GABRB3: variants seen among roughly 807,000 people sequenced by gnomAD.
GABRB3 encodes gamma-aminobutyric acid type A receptor subunit beta3, also known as gamma-aminobutyric acid receptor subunit beta-3.
GABRB3 carries 14 observed loss-of-function variants against 52.1 expected under a neutral mutation model. That is an observed-to-expected ratio of 0.27 (90% confidence interval 0.18 to 0.42). GABRB3 has a LOEUF of 0.42. Among genes scored for constraint, GABRB3 ranks in the 10% least tolerant of loss-of-function variants. The probability of loss-of-function intolerance (pLI) is 1.00; values close to 1 mark genes in which losing one functional copy is unlikely to be tolerated. For missense variants in GABRB3, 307 were observed against 609.1 expected (o/e 0.50, Z 5.22); for synonymous variants, 260 against 232.3 (o/e 1.12, Z -1.08).
intron 3 of GABRB3, among the ~76,000 whole-genome samples, chr15:26,745,094 G>A (rs1199153436): frequency 2.6e-5 from 4 of 152,082 alleles, no homozygotes; most frequent in African/African-American, 4.8e-5. Context: ...GGTGCCACAC[G>A]CTTCATGTAA....
At chr15:26,548,249 A>G in intron 8 of GABRB3, 115 bp from the exon 9 acceptor site, 1 of 850,236 alleles carries the variant, frequency 1.2e-6, no homozygotes, top group Non-Finnish European at 2.0e-6. Flanking sequence ...GAGAAACTGT[A>G]CATCTGTCAA....
chr15:26,569,929 A>AT (rs1009179399), intron 6 of GABRB3, among the ~76,000 whole-genome samples: 1 of 152,068 alleles, frequency 6.6e-6, no homozygotes, highest in African/African-American at 2.4e-5. Context: ...CTGATTACTC[A>AT]TTTATTTTTC....
intron 3 of GABRB3, among the ~76,000 whole-genome samples, chr15:26,770,392 A>T (rs1176487615): frequency 6.6e-6 from 1 of 152,218 alleles, no homozygotes; most frequent in Non-Finnish European, 1.5e-5. Flanking sequence ...ACACTTAAAG[A>T]TTGTTCAATA....
At chr15:26,629,323 A>T (rs1436090305) in intron 3 of GABRB3, 12 of 642,482 alleles carry the variant, frequency 1.9e-5, no homozygotes, top group Non-Finnish European at 2.7e-5. Context: ...GGCCCAGCTC[A>T]GGAGCCTGGC....
At chr15:26,655,772 A>G (rs1477556641) in intron 3 of GABRB3, among the ~76,000 whole-genome samples, 2 of 151,078 alleles carry the variant, frequency 1.3e-5, no homozygotes, top group Non-Finnish European at 2.9e-5. Flanking sequence ...CGGTTTCTGC[A>G]TACCTGTGTA....
chr15:26,632,965 A>AC (rs1255700856), intron 3 of GABRB3, among the ~76,000 whole-genome samples: 1 of 151,996 alleles, frequency 6.6e-6, no homozygotes, highest in African/African-American at 2.4e-5. Flanking sequence ...ATGAAAAAGG[A>AC]CCCTCTTTAT....
At chr15:26,673,324 T>C (rs1887957341) in intron 3 of GABRB3, among the ~76,000 whole-genome samples, 1 of 152,192 alleles carries the variant, frequency 6.6e-6, no homozygotes, top group African/African-American at 2.4e-5. Flanking sequence ...ACACATTGTT[T>C]TAAACCATAG....
In GABRB3 at chr15:26,731,374, C is replaced by A. The variant is rs1388994977; in HGVS notation, c.240+41028G>T. Among the ~76,000 whole-genome samples, 3 of 152,196 alleles carry A rather than the reference C, an allele frequency of 2.0e-5. No homozygotes were observed. In the East Asian group the frequency reaches 5.8e-4, roughly 29 times the overall value. ...CATTGTATACAGTTCTTGCCAGAAT[C>A]ATATCCTTGTTGAATTCTTGAGTTG... On this transcript the variant is annotated intron_variant, in intron 3 of 8. Coordinates refer to ENST00000311550, the MANE Select transcript of GABRB3 (RefSeq NM_000814.6).
intron 4 of GABRB3, among the ~76,000 whole-genome samples, chr15:26,605,618 G>C (rs1178792429): frequency 6.6e-6 from 1 of 152,160 alleles, no homozygotes; most frequent in Non-Finnish European, 1.5e-5. Flanking sequence ...TCTGTCATTT[G>C]CAACAACATG....
intron 4 of GABRB3, chr15:26,614,696 T>C (rs1489323655): frequency 1.3e-5 from 2 of 152,184 alleles, no homozygotes; most frequent in Non-Finnish European, 2.9e-5. Context: ...AGAACCACCA[T>C]ATAAAACAGT....
intron 3 of GABRB3, among the ~76,000 whole-genome samples, chr15:26,674,186 G>A (rs1246722196): frequency 1.3e-5 from 2 of 151,012 alleles, no homozygotes; most frequent in East Asian, 4.0e-4. Context: ...CCGATCACCC[G>A]AGGTCAGTAG....
At chr15:26,684,710 G>A (rs1488781998) in intron 3 of GABRB3, among the ~76,000 whole-genome samples, 1 of 152,116 alleles carries the variant, frequency 6.6e-6, no homozygotes, top group Non-Finnish European at 1.5e-5. Flanking sequence ...AAAAACAGGA[G>A]AGAGAGAAAG....
At chr15:26,645,447 G>A (rs1351839513) in intron 3 of GABRB3, among the ~76,000 whole-genome samples, 2 of 152,184 alleles carry the variant, frequency 1.3e-5, no homozygotes, top group African/African-American at 4.8e-5. Context: ...GGTGATGGGT[G>A]CAGATGCAAT....
chr15:26,675,907 G>A (rs75090142), intron 3 of GABRB3, among the ~76,000 whole-genome samples: 23,660 of 152,102 alleles, frequency 0.16, 2,232 homozygotes, highest in African/African-American at 0.26. Context: ...TGATTTCGCA[G>A]GGTTCTTGCT....
chr15:26,565,269 T>A (rs1890124542), intron 7 of GABRB3, among the ~76,000 whole-genome samples: 1 of 152,206 alleles, frequency 6.6e-6, no homozygotes. Flanking sequence ...ACTGTAGATC[T>A]AGACTCAGTC....
At chr15:26,719,453 C>T (rs1000497750) in intron 3 of GABRB3, among the ~76,000 whole-genome samples, 1 of 152,208 alleles carries the variant, frequency 6.6e-6, no homozygotes, top group Non-Finnish European at 1.5e-5. Context: ...AATTGTCAAT[C>T]GTTCCTAAAA....
Position 26,621,280 on chromosome 15 carries a change from A to G in GABRB3, c.461+34T>C, listed in dbSNP as rs748038741. ...GATATTCAACACCCATGCACCATGC[A>G]ACAGCAAAATTGGTCCTGAAGAGGC... On this transcript the variant is annotated intron_variant, in intron 4 of 8. Transcript: ENST00000311550. The surrounding 1 kb of genome is among the most constrained non-coding windows in gnomAD (Gnocchi z 4.1). 3 of 1,552,246 alleles carry G rather than the reference A, an allele frequency of 1.9e-6. No individual in the cohort carries two copies. The Admixed American group carries it at 5.0e-5, about 26-fold the overall frequency.
chr15:26,607,570 T>TA (rs551498934), intron 4 of GABRB3, among the ~76,000 whole-genome samples: 15 of 144,050 alleles, frequency 1.0e-4, no homozygotes, highest in South Asian at 2.3e-4. Flanking sequence ...AGACCCTGTC[T>TA]AAAAAAAAAC....
intron 3 of GABRB3, among the ~76,000 whole-genome samples, chr15:26,627,324 A>G (rs945264282): frequency 4.3e-5 from 4 of 93,492 alleles, no homozygotes; most frequent in Admixed American, 4.1e-4. Context: ...TGCTAACACA[A>G]CATCCATTCT....
Sources: gnomAD v4.1 joint callset for allele counts (sites outside exome capture counted in the v4.1 genomes callset) on GRCh38, gnomAD v4.1.1 for gene constraint, Gnocchi (gnomAD v3.1) non-coding constraint, MANE v1.5 for transcripts, NCBI Gene and HGNC (gene_info 2026-07-23, HGNC 2026-07-21) for gene names.